The following FANCB variants were observed in gnomAD, a reference collection of about 807,000 sequenced individuals.
FANCB encodes the protein FA complementation group B.
Under a neutral mutation model 38.9 loss-of-function variants are expected in FANCB, and 5 were observed. The observed-to-expected ratio is 0.13, with a 90% CI of 0.07 to 0.27. The LOEUF (loss-of-function observed/expected upper bound fraction) is 0.27, where lower values mean the gene tolerates loss of function less well. Among genes scored for constraint, FANCB ranks in the 10% least tolerant of loss-of-function variants. The pLI is 1.00. For missense variants in FANCB, 573 were observed against 602.7 expected, an observed-to-expected ratio of 0.95 and a Z score of 0.52; for synonymous variants, 236 against 215.4, an observed-to-expected ratio of 1.10 and a Z score of -0.84.
chrX:14,753,769 G>A, the FANCB span, among the ~76,000 whole-genome samples: 4 of 111,599 alleles, frequency 3.6e-5, no homozygotes, highest in African/African-American at 1.3e-4. Context: ...TGTCCTATTC[G>A]CCAAAGGAAA....
downstream of FANCB, among the ~76,000 whole-genome samples, chrX:14,831,515 C>G (rs1248185531): frequency 9.0e-6 from 1 of 111,259 alleles, no homozygotes; most frequent in East Asian, 2.8e-4. Flanking sequence ...ATGGAAACTG[C>G]CTGTCCAGAG....
chrX:14,762,903 A>C, the FANCB span, among the ~76,000 whole-genome samples: 3 of 112,484 alleles, frequency 2.7e-5, no homozygotes, highest in African/African-American at 9.7e-5. Context: ...TTGATATTTC[A>C]TTTTATTTAC....
the FANCB span, among the ~76,000 whole-genome samples, chrX:14,696,177 A>AGG: frequency 1.3e-5 from 1 of 77,271 alleles, no homozygotes; most frequent in Non-Finnish European, 2.4e-5. Context: ...AGAAGAAGGG[A>AGG]GGGAGAGTGG....
chrX:14,775,168 T>TTTTG, the FANCB span, among the ~76,000 whole-genome samples: 4 of 92,097 alleles, frequency 4.3e-5, no homozygotes, highest in African/African-American at 1.6e-4. Context: ...ATGTTTTTTT[T>TTTTG]TTTTTTTTTT....
chrX:14,865,709 A>G (rs1311082103), intron 2 of FANCB, 129 bp from the exon 3 acceptor site: 1 of 370,484 alleles, frequency 2.7e-6, no homozygotes, highest in Non-Finnish European at 4.7e-6. Context: ...TTTTTATACT[A>G]TTTTGACAAT....
chrX:14,774,977 C>T, the FANCB span, among the ~76,000 whole-genome samples: 3 of 109,883 alleles, frequency 2.7e-5, no homozygotes, highest in East Asian at 2.8e-4. Context: ...GGACTATAAG[C>T]GCCTGCCACA....
At chrX:14,710,195 G>A in the FANCB span, among the ~76,000 whole-genome samples, 1 of 111,943 alleles carries the variant, frequency 8.9e-6, no homozygotes, top group Non-Finnish European at 1.9e-5. Context: ...TGAGTTCTCA[G>A]TTCTTGAGTT....
the FANCB span, among the ~76,000 whole-genome samples, chrX:14,786,201 C>T: frequency 9.0e-6 from 1 of 111,217 alleles, no homozygotes; most frequent in Non-Finnish European, 1.9e-5. Context: ...GCAGGTAGCT[C>T]TCTTCAGCCA....
At chrX:14,744,822 G>T in the FANCB span, among the ~76,000 whole-genome samples, 4 of 111,165 alleles carry the variant, frequency 3.6e-5, no homozygotes, top group African/African-American at 1.3e-4. Context: ...ACATGTCAGG[G>T]TCGGCAGACT....
chrX:14,740,317 C>T, the FANCB span, among the ~76,000 whole-genome samples: 1 of 111,023 alleles, frequency 9.0e-6, no homozygotes, highest in Non-Finnish European at 1.9e-5. Flanking sequence ...AATGCCTCCC[C>T]ATATTACTCA....
the FANCB span, among the ~76,000 whole-genome samples, chrX:14,744,998 CA>C: frequency 3.2e-3 from 359 of 111,587 alleles, 1 homozygote; most frequent in African/African-American, 0.011. Flanking sequence ...AGTAGCAAGG[CA>C]AAACTAAGAG....
intron 1 of FANCB, among the ~76,000 whole-genome samples, chrX:14,870,759 A>G: frequency 9.0e-6 from 1 of 111,679 alleles, no homozygotes; most frequent in South Asian, 3.7e-4. Context: ...TATAAATGTG[A>G]CAATTCTTTA....
chrX:14,695,440 C>G, the FANCB span, among the ~76,000 whole-genome samples: 1 of 111,989 alleles, frequency 8.9e-6, no homozygotes, highest in Admixed American at 9.5e-5. Context: ...GAACAAATGT[C>G]TTAAGAAGGT....
chrX:14,851,693 T>A (rs1167031279), intron 6 of FANCB, among the ~76,000 whole-genome samples: 1 of 112,086 alleles, frequency 8.9e-6, no homozygotes, highest in Non-Finnish European at 1.9e-5. Flanking sequence ...GTGGTTTCAA[T>A]ATATTAATTT....
the FANCB span, among the ~76,000 whole-genome samples, chrX:14,816,696 G>A: frequency 8.9e-6 from 1 of 112,052 alleles, no homozygotes; most frequent in African/African-American, 3.2e-5. Context: ...AAATGCTCCT[G>A]GCAGAGTGAG....
At chrX:14,692,417 C>T in the FANCB span, among the ~76,000 whole-genome samples, 1 of 111,893 alleles carries the variant, frequency 8.9e-6, no homozygotes, top group African/African-American at 3.2e-5. Flanking sequence ...CAACACAAAA[C>T]AGTACAGAGT....
chrX:14,728,767 T>C, the FANCB span, among the ~76,000 whole-genome samples: 2 of 112,451 alleles, frequency 1.8e-5, no homozygotes, highest in South Asian at 7.4e-4. Flanking sequence ...ACCTGGGTAC[T>C]ACACTAATTT....
chrX:14,736,971 A>G, the FANCB span, among the ~76,000 whole-genome samples: 2 of 110,904 alleles, frequency 1.8e-5, no homozygotes, highest in African/African-American at 6.6e-5. Context: ...CCTGGCCAAC[A>G]TGGTGAAACC....
the FANCB span, among the ~76,000 whole-genome samples, chrX:14,758,421 A>G: frequency 9.0e-6 from 1 of 111,451 alleles, no homozygotes; most frequent in Non-Finnish European, 1.9e-5. Flanking sequence ...CCAACAAAAA[A>G]CTTGCGCAAT....
Sources: gnomAD v4.1 joint callset for allele counts (sites outside exome capture counted in the v4.1 genomes callset) on GRCh38, gnomAD v4.1.1 for gene constraint, MANE v1.5 for transcripts, NCBI Gene and HGNC (gene_info 2026-07-23, HGNC 2026-07-21) for gene names.